DLGAP2: variants seen among roughly 807,000 people sequenced by gnomAD.
The protein encoded by DLGAP2 is DLG associated protein 2.
A neutral mutation model predicts 100.3 loss-of-function variants in DLGAP2; 26 were observed. That is an observed-to-expected ratio of 0.26 (90% confidence interval 0.19 to 0.36). The LOEUF is 0.36. Among genes scored for constraint, DLGAP2 ranks in the 10% least tolerant of loss-of-function variants. DLGAP2 has a pLI of 1.00. For missense variants in DLGAP2, 1,858 were observed against 1,453.2 expected (o/e 1.28, Z -4.53); for synonymous variants, 886 against 630.1 (o/e 1.41, Z -6.08).
At chr8:1,121,831 A>G (rs183876289) in intron 2 of DLGAP2, among the ~76,000 whole-genome samples, 1 of 152,306 alleles carries the variant, frequency 6.6e-6, no homozygotes. Flanking sequence ...AATTCATGAC[A>G]ACACATCCTT....
At chr8:907,145 C>T (rs936282260) in intron 1 of DLGAP2, among the ~76,000 whole-genome samples, 2 of 152,176 alleles carry the variant, frequency 1.3e-5, no homozygotes, top group African/African-American at 4.8e-5. Context: ...TGCCCTAGAA[C>T]AGGTAATAAG....
intron 2 of DLGAP2, among the ~76,000 whole-genome samples, chr8:1,226,119 G>A (rs1292740874): frequency 6.6e-6 from 1 of 151,992 alleles, no homozygotes; most frequent in Non-Finnish European, 1.5e-5. Context: ...TTAAATAGCA[G>A]AAAAATAAAT....
chr8:1,336,107 A>G (rs1295596422), intron 3 of DLGAP2, among the ~76,000 whole-genome samples: 3 of 152,236 alleles, frequency 2.0e-5, no homozygotes, highest in Non-Finnish European at 4.4e-5. Flanking sequence ...TGCTGCATCC[A>G]AGACCACCCT....
At chr8:1,387,098 C>A (rs1465628566) in intron 3 of DLGAP2, among the ~76,000 whole-genome samples, 1 of 152,070 alleles carries the variant, frequency 6.6e-6, no homozygotes, top group Non-Finnish European at 1.5e-5. Context: ...TCGAAAAGCT[C>A]AGGTATCATA....
At chr8:921,471 A>G (rs114390945) in intron 2 of DLGAP2, among the ~76,000 whole-genome samples, 2,065 of 152,164 alleles carry the variant, frequency 0.014, 49 homozygotes, top group African/African-American at 0.046. Context: ...GTGTGGATGC[A>G]CGTCTATGAG....
intron 2 of DLGAP2, among the ~76,000 whole-genome samples, chr8:1,233,350 C>G (rs901678089): frequency 6.6e-6 from 1 of 152,206 alleles, no homozygotes; most frequent in South Asian, 2.1e-4. Context: ...GGCCTGTGCT[C>G]TAAGAAGCCT....
intron 2 of DLGAP2, among the ~76,000 whole-genome samples, chr8:944,077 T>C (rs1352344254): frequency 6.6e-6 from 1 of 152,262 alleles, no homozygotes; most frequent in East Asian, 1.9e-4. Context: ...CTAACTATAT[T>C]GTATAATTTG....
At chr8:1,061,984 C>T (rs1280816081) in intron 2 of DLGAP2, among the ~76,000 whole-genome samples, 1 of 151,512 alleles carries the variant, frequency 6.6e-6, no homozygotes, top group East Asian at 1.9e-4. Flanking sequence ...GATATCATCA[C>T]AATAGGTGGC....
intron 2 of DLGAP2, among the ~76,000 whole-genome samples, chr8:1,030,185 G>C (rs538442201): frequency 9.2e-5 from 14 of 152,348 alleles, no homozygotes; most frequent in African/African-American, 3.1e-4. Context: ...TCCAGCTCTT[G>C]CTAACAGACC....
intron 4 of DLGAP2, among the ~76,000 whole-genome samples, chr8:1,509,318 A>C (rs1800071294): frequency 7.8e-6 from 1 of 128,164 alleles, no homozygotes; most frequent in African/African-American, 2.9e-5. Flanking sequence ...CAACAGAGCA[A>C]GACTCCGTCC....
At chr8:1,341,266 G>A (rs1485724500) in intron 3 of DLGAP2, among the ~76,000 whole-genome samples, 1 of 152,148 alleles carries the variant, frequency 6.6e-6, no homozygotes, top group East Asian at 1.9e-4. Context: ...TATCAAATAA[G>A]TTTTCAAATA....
intron 3 of DLGAP2, among the ~76,000 whole-genome samples, chr8:1,388,991 G>A (rs1170270626): frequency 2.1e-5 from 3 of 142,894 alleles, no homozygotes; most frequent in Non-Finnish European, 4.5e-5. Context: ...GCTGGTTCAG[G>A]TGTCAGGGCT....
chr8:1,276,403 C>T (rs1799697715), intron 3 of DLGAP2, among the ~76,000 whole-genome samples: 1 of 151,996 alleles, frequency 6.6e-6, no homozygotes, highest in Non-Finnish European at 1.5e-5. Context: ...ATCTTGGCCG[C>T]ACGTTGGGAA....
intron 3 of DLGAP2, among the ~76,000 whole-genome samples, chr8:1,477,019 A>ATTCT (rs1798952505): frequency 6.6e-6 from 1 of 152,222 alleles, no homozygotes; most frequent in Non-Finnish European, 1.5e-5. Flanking sequence ...ACCTGTGAAG[A>ATTCT]CAGGTTTATT....
intron 1 of DLGAP2, among the ~76,000 whole-genome samples, chr8:806,950 A>G (rs1796282328): frequency 6.6e-6 from 1 of 152,206 alleles, no homozygotes; most frequent in Non-Finnish European, 1.5e-5. Flanking sequence ...GGTCGTGGAC[A>G]GTGTGGTTTT....
At chr8:1,366,714 C>T (rs1371877231) in intron 3 of DLGAP2, among the ~76,000 whole-genome samples, 1 of 152,094 alleles carries the variant, frequency 6.6e-6, no homozygotes, top group South Asian at 2.1e-4. Context: ...AAAGAGATGC[C>T]TGCACCCCAC....
chr8:1,341,042 C>A (rs111276291), intron 3 of DLGAP2, among the ~76,000 whole-genome samples: 1 of 151,886 alleles, frequency 6.6e-6, no homozygotes, highest in Non-Finnish European at 1.5e-5. Flanking sequence ...TGAGAACTCA[C>A]GGACACATAG....
At chr8:1,399,997 G>T (rs372027704) in intron 3 of DLGAP2, among the ~76,000 whole-genome samples, 1 of 1,836 alleles carries the variant, frequency 5.4e-4, no homozygotes. Flanking sequence ...CTTGTCCTCC[G>T]GAGTCGTGTA....
At position 1,179,367 on chromosome 8, in the gene DLGAP2, G is replaced by A. The variant is rs774598231; in HGVS notation, c.74-79484G>A. Among the ~76,000 whole-genome samples the A allele has an allele frequency of 3.3e-5, 5 of 152,346 alleles. No individual in the cohort carries two copies. The South Asian group carries it at 1.0e-3, about 32-fold the overall frequency. ...AGCTGAGGCTGTGGGTGGAGGGAGT[G>A]CTTCGCTGGGGGACTCTGACTGTGC... On this transcript the variant is annotated intron_variant, in intron 2 of 14. Coordinates refer to ENST00000637795, the MANE Select transcript of DLGAP2 (RefSeq NM_001346810.2).
Sources: allele counts gnomAD v4.1 joint callset (sites outside exome capture counted in the v4.1 genomes callset), GRCh38; gene constraint gnomAD v4.1.1; transcripts MANE v1.5; gene names NCBI Gene and HGNC (gene_info 2026-07-23, HGNC 2026-07-21).